The following SPTBN4 variants were observed in gnomAD, a reference collection of about 807,000 sequenced individuals.
SPTBN4 encodes spectrin beta, non-erythrocytic 4.
SPTBN4 carries 96 observed loss-of-function variants against 277.8 expected under a neutral mutation model. That is an observed-to-expected ratio of 0.35 (90% CI 0.29 to 0.41). The LOEUF (loss-of-function observed/expected upper bound fraction) is 0.41. Among genes scored for constraint, SPTBN4 ranks in the 10% least tolerant of loss-of-function variants. The pLI is 1.00. For missense variants in SPTBN4, 3,006 were observed against 3,595.7 expected (o/e 0.84, Z 4.19); for synonymous variants, 1,481 against 1,580.3 (o/e 0.94, Z 1.49).
intron 1 of SPTBN4, among the ~76,000 whole-genome samples, chr19:40,469,452 A>T (rs2079860546): frequency 6.7e-6 from 1 of 150,120 alleles, no homozygotes; most frequent in South Asian, 2.1e-4. Context: ...TTTAGTAGAG[A>T]TGGGGTTTCA....
chr19:40,494,868 T>C, intron 5 of SPTBN4, 29 bp from the exon 6 acceptor site: 3 of 1,608,344 alleles, frequency 1.9e-6, no homozygotes, highest in Non-Finnish European at 2.6e-6. Flanking sequence ...TCCCCATCTC[T>C]GCCTCTGTTT....
rs2080405781 is a variant in SPTBN4, at chr19:40,512,796, T to TGCGGGCGGCGGCGGTGCG, written c.2015_2032dup (p.Gly672_Gly677dup). 1.4e-5 allele frequency: 20 copies of TGCGGGCGGCGGCGGTGCG among 1,468,586 alleles called. No homozygotes were observed. Among genetic ancestry groups the TGCGGGCGGCGGCGGTGCG allele is most frequent in the Non-Finnish European group, 1.8e-5 (20 of 1,123,144 alleles). 91.0% of individuals were successfully genotyped at this position (1,468,586 alleles called of 1,614,324 possible). ...GCGACAAGGAGCGTCTCCTGGAGGC[T>TGCGGGCGGCGGCGGTGCG]GCGGGCGGCGGCGGTGCGGCGGGCG... On this transcript the variant is annotated inframe_insertion, in exon 14 of 36. Transcript: ENST00000598249.
intron 15 of SPTBN4, among the ~76,000 whole-genome samples, chr19:40,518,739 A>G (rs888491773): frequency 6.6e-6 from 1 of 152,094 alleles, no homozygotes; most frequent in African/African-American, 2.4e-5. Context: ...ATTTGAAAAC[A>G]TTATTTAAAA....
At position 40,560,450 on chromosome 19, in the gene SPTBN4, A is replaced by G. The variant is rs1599811589; in HGVS notation, c.5915+47A>G. ...GCTTCCTGCCTCCCCCTGGTGGCCT[A>G]CCCCAGCCACCCCCAGCCCATTGAC... On this transcript the variant is annotated intron_variant, in intron 27 of 35. Transcript: ENST00000598249. The surrounding 1 kb of genome is among the most constrained non-coding windows in gnomAD (Gnocchi z 5.2). 6.2e-7 allele frequency: 1 copy of G among 1,611,472 alleles called. No individual in the cohort carries two copies. The highest frequency in any genetic ancestry group is 8.5e-7 in the Non-Finnish European group (1 of 1,178,666).
Position 40,540,320 on chromosome 19 carries a change from A to G in SPTBN4, c.4359+5977A>G, listed in dbSNP as rs577777797. Among the ~76,000 whole-genome samples the G allele has an allele frequency of 2.0e-5, 3 of 152,160 alleles. No homozygotes were observed. In the South Asian group the frequency reaches 6.2e-4, roughly 32 times the overall value. On this transcript the variant is annotated intron_variant, in intron 20 of 35. Transcript: ENST00000598249. ...TTGTTTCACCTTCCCTTTGGTTGTT[A>G]CTTATGTGATACACGGTTACTTCAT...
chr19:40,503,719 C>A, intron 11 of SPTBN4, 111 bp from the exon 12 acceptor site: 1 of 1,201,452 alleles, frequency 8.3e-7, no homozygotes, highest in Non-Finnish European at 1.1e-6. Flanking sequence ...CTAGGGAGGG[C>A]AGGGCCAGTC....
rs1342881721 is a variant in SPTBN4, at chr19:40,512,845, G to A, written c.2056G>A (p.Gly686Ser). Reference protein sequence around the residue: ...AGAAGAAGTAGGAHDLSSTAR... With the variant: ...AGAAGAAGTASGAHDLSSTAR... ...CGCAGCGGGCGCAGCGGGAACAGCG[G>A]GCGGCGCGCATGACCTGTCCAGCAC... Residue 686 changes from glycine (G) to serine (S), a missense_variant, in exon 14 of 36, where the codon GGC (glycine) becomes AGC (serine). Around this residue, in one of 5 missense-constraint regions of SPTBN4, gnomAD observed 1,759 missense variants for 2,061.5 expected, o/e 0.85. Coordinates refer to ENST00000598249, the MANE Select transcript of SPTBN4 (RefSeq NM_020971.3). 1.4e-6 allele frequency: 2 copies of A among 1,457,970 alleles called. No individual in the cohort carries two copies. Among genetic ancestry groups the A allele is most frequent in the African/African-American group, 3.0e-5 (2 of 66,844 alleles). The allele number at this position is 1,457,970 out of a possible 1,614,324, so 90.3% of individuals were successfully genotyped here.
rs1372279853 is a variant in SPTBN4 at position 40,513,266 on chromosome 19, G to C, written c.2477G>C (p.Arg826Pro). Residue 826 changes from arginine (R) to proline (P), a missense_variant, in exon 14 of 36, where the codon CGC (arginine) becomes CCC (proline). By Grantham distance (103) the Arg-to-Pro change is moderately radical. Coordinates refer to ENST00000598249, the MANE Select transcript of SPTBN4 (RefSeq NM_020971.3). ...CTCACCGGGGAGGTGGAGGCACATCGCGGGCCCGTGAGCGGCCTGCGGCGC... is the reference window on the plus strand; with the variant it reads ...CTCACCGGGGAGGTGGAGGCACATCCCGGGCCCGTGAGCGGCCTGCGGCGC... ...RALTGEVEAHRGPVSGLRRQL... is the reference protein window; with the variant it reads ...RALTGEVEAHPGPVSGLRRQL... The C allele has an allele frequency of 6.5e-7, 1 of 1,529,686 alleles. No individual in the cohort carries two copies. The highest frequency in any genetic ancestry group is 1.2e-5 in the South Asian group (1 of 82,712). 94.8% of individuals were successfully genotyped at this position (1,529,686 alleles called of 1,614,324 possible).
Position 40,560,546 on chromosome 19 carries a change from G to T in SPTBN4, c.5915+143G>T. On this transcript the variant is annotated intron_variant, in intron 27 of 35. Coordinates refer to ENST00000598249, the MANE Select transcript of SPTBN4 (RefSeq NM_020971.3). The surrounding 1 kb of genome is among the most constrained non-coding windows in gnomAD (Gnocchi z 5.2). ...CCTCTGTGTGCTAGGCACTGTTCTA[G>T]GTGCTTCGTGTGTATTCAGACCCCT... 6.5e-7 allele frequency: 1 copy of T among 1,539,122 alleles called. No homozygotes were observed.
intron 24 of SPTBN4, among the ~76,000 whole-genome samples, chr19:40,555,550 G>A (rs887384426): frequency 2.7e-5 from 4 of 150,796 alleles, no homozygotes; most frequent in Admixed American, 2.6e-4. Flanking sequence ...AGGCTGGATA[G>A]AGGTGAGCTT....
intron 16 of SPTBN4, among the ~76,000 whole-genome samples, chr19:40,520,469 T>C (rs1358265848): frequency 6.6e-6 from 1 of 152,174 alleles, no homozygotes; most frequent in Non-Finnish European, 1.5e-5. Flanking sequence ...CCTGGGTTCG[T>C]GGATTATCTG....
intron 18 of SPTBN4, 105 bp from the exon 19 acceptor site, chr19:40,532,520 A>G (rs2080687935): frequency 9.0e-6 from 13 of 1,437,582 alleles, no homozygotes; most frequent in Non-Finnish European, 1.0e-5. Context: ...CCTTCCACCC[A>G]TACACCCTAG....
intron 17 of SPTBN4, 143 bp from the exon 18 acceptor site, chr19:40,528,898 T>C: frequency 1.6e-6 from 1 of 620,638 alleles, no homozygotes; most frequent in Non-Finnish European, 2.9e-6. Flanking sequence ...GTCCCTGGCT[T>C]TGCCCCACTA....
At chr19:40,541,609 T>C (rs979472478) in intron 20 of SPTBN4, among the ~76,000 whole-genome samples, 1 of 151,266 alleles carries the variant, frequency 6.6e-6, no homozygotes, top group African/African-American at 2.4e-5. Flanking sequence ...TGGCTCGGGG[T>C]CTGAGGGGTG....
At chr19:40,544,923 A>G (rs1465212948) in intron 20 of SPTBN4, among the ~76,000 whole-genome samples, 1 of 151,060 alleles carries the variant, frequency 6.6e-6, no homozygotes, top group Non-Finnish European at 1.5e-5. Flanking sequence ...CAACCTCCTA[A>G]GTAGCTGGGA....
chr19:40,513,009 C>A lies in SPTBN4; in HGVS notation c.2220C>A (p.His740Gln). 3 of 1,431,230 alleles carry A rather than the reference C, an allele frequency of 2.1e-6. No homozygotes were observed. The South Asian group carries it at 4.2e-5, about 20-fold the overall frequency. The allele number at this position is 1,431,230 out of a possible 1,614,324, so 88.7% of individuals were successfully genotyped here. Residue 740 changes from histidine to glutamine, a missense_variant, in exon 14 of 36, where the codon CAC becomes CAA. Coordinates refer to ENST00000598249, the MANE Select transcript of SPTBN4 (RefSeq NM_020971.3). ...GAVGPGADTV[H>Q]LVGLAERAAS... ...TCGGCCCGGGAGCAGACACCGTGCACCTGGTAGGCCTGGCGGAGCGCGCGG... is the reference window on the plus strand; with the variant it reads ...TCGGCCCGGGAGCAGACACCGTGCAACTGGTAGGCCTGGCGGAGCGCGCGG...
intron 27 of SPTBN4, among the ~76,000 whole-genome samples, chr19:40,564,355 C>G (rs902109666): frequency 1.3e-5 from 2 of 152,144 alleles, no homozygotes; most frequent in African/African-American, 4.8e-5. Flanking sequence ...ATTAATGAGA[C>G]ATTTTACATT....
intron 16 of SPTBN4, 131 bp downstream of exon 16, chr19:40,520,282 TGA>T (rs1420420408): frequency 2.0e-6 from 2 of 996,300 alleles, no homozygotes; most frequent in Admixed American, 4.0e-5. Flanking sequence ...GGGTGGGAGG[TGA>T]GAGAGTATCC....
intron 4 of SPTBN4, among the ~76,000 whole-genome samples, chr19:40,492,221 AG>A (rs1377120967): frequency 6.6e-6 from 1 of 151,494 alleles, no homozygotes; most frequent in African/African-American, 2.4e-5. Flanking sequence ...GGAGAGGGAG[AG>A]GGTGTCCAGG....
Sources: gnomAD v4.1 joint callset for allele counts (sites outside exome capture counted in the v4.1 genomes callset) on GRCh38, gnomAD v4.1.1 for gene constraint, gnomAD v4.1.1 regional missense constraint, Gnocchi (gnomAD v3.1) non-coding constraint, MANE v1.5 for transcripts, NCBI Gene and HGNC (gene_info 2026-07-23, HGNC 2026-07-21) for gene names.